The following COL11A1 variants were observed in gnomAD, a reference collection of about 807,000 sequenced individuals.
The protein encoded by COL11A1 is collagen type XI alpha 1 chain, also known as collagen alpha-1(XI) chain.
COL11A1 carries 74 observed loss-of-function variants against 265.2 expected under a neutral mutation model. The ratio of observed to expected loss-of-function variants is 0.28; its 90% CI spans 0.23 to 0.34. The LOEUF (loss-of-function observed/expected upper bound fraction) is 0.34, where lower values mean the gene tolerates loss of function less well. Among genes scored for constraint, COL11A1 ranks in the 10% least tolerant of loss-of-function variants. The pLI is 1.00. For synonymous variants in COL11A1, 816 were observed against 727.6 expected, an observed-to-expected ratio of 1.12 and a Z score of -1.96; for missense variants, 2,165 against 2,263.6, an observed-to-expected ratio of 0.96 and a Z score of 0.88.
chr1:102,959,012 C>T (rs1033512520), intron 41 of COL11A1, among the ~76,000 whole-genome samples: 7 of 152,162 alleles, frequency 4.6e-5, no homozygotes, highest in East Asian at 3.9e-4. Flanking sequence ...TCGCCCCCTC[C>T]GTGTTTGCTA....
chr1:102,940,706 A>G (rs904896798), intron 42 of COL11A1, among the ~76,000 whole-genome samples: 2 of 152,168 alleles, frequency 1.3e-5, no homozygotes, highest in African/African-American at 4.8e-5. Context: ...ATATTGACAA[A>G]TCAGATTTCT....
At chr1:103,099,466 G>A (rs1674059346) in intron 1 of COL11A1, among the ~76,000 whole-genome samples, 1 of 146,696 alleles carries the variant, frequency 6.8e-6, no homozygotes, top group Non-Finnish European at 1.5e-5. Flanking sequence ...TATATATATG[G>A]ATATATATAT....
rs869263393 is a variant in COL11A1, at chr1:103,071,467, C to CTTTT, written c.651+3147_651+3150dup. ...AGGCTGTTGATTTGTGTTGGTAGGA[C>CTTTT]TTTTTTTTTTTTTTTTTTTTTTTTT... is the stretch of plus-strand genomic sequence containing the variant. On this transcript the variant is annotated intron_variant, in intron 4 of 66. Transcript: ENST00000370096. Among the ~76,000 whole-genome samples, 53 of 49,892 alleles carry CTTTT rather than the reference C, an allele frequency of 1.1e-3. 10 individuals carry two copies. The highest frequency in any genetic ancestry group is 1.7e-3 in the Non-Finnish European group (44 of 25,876). The allele number at this position is 49,892 out of a possible 152,430, so 32.7% of individuals were successfully genotyped here.
At chr1:103,083,820 AT>A (rs1044221832) in intron 1 of COL11A1, among the ~76,000 whole-genome samples, 1 of 151,956 alleles carries the variant, frequency 6.6e-6, no homozygotes, top group East Asian at 1.9e-4. Context: ...GCCCCTTCAC[AT>A]TTTTTTTGTA....
intron 41 of COL11A1, among the ~76,000 whole-genome samples, chr1:102,951,417 G>A (rs779659556): frequency 6.6e-6 from 1 of 152,182 alleles, no homozygotes; most frequent in Admixed American, 6.5e-5. Context: ...TAGGCGTCAC[G>A]CCGGGAGTGG....
intron 4 of COL11A1, among the ~76,000 whole-genome samples, chr1:103,033,254 T>C (rs1668121469): frequency 6.6e-6 from 1 of 152,128 alleles, no homozygotes; most frequent in Non-Finnish European, 1.5e-5. Context: ...GAGTTGTTTT[T>C]ATTTATTATT....
At chr1:103,001,827 G>A in intron 24 of COL11A1, 98 bp downstream of exon 24, 2 of 1,028,676 alleles carry the variant, frequency 1.9e-6, no homozygotes, top group Non-Finnish European at 3.1e-6. Flanking sequence ...GAGCTATCTA[G>A]ATATCTTAAC....
intron 15 of COL11A1, among the ~76,000 whole-genome samples, chr1:103,006,526 ATTTTTTTTTTT>A (rs4013849): frequency 0.14 from 11,791 of 83,176 alleles, 625 homozygotes; most frequent in Middle Eastern, 0.25. Flanking sequence ...AAATGGCTCC[ATTTTTTTTTTT>A]TTTTTTTTTT....
chr1:102,951,387 T>C (rs1012234196), intron 41 of COL11A1, among the ~76,000 whole-genome samples: 6 of 152,222 alleles, frequency 3.9e-5, no homozygotes, highest in African/African-American at 1.4e-4. Context: ...TATGCAAACA[T>C]GTTGAACATG....
chr1:102,905,487 C>T (rs1040995637), intron 54 of COL11A1, among the ~76,000 whole-genome samples: 109 of 148,060 alleles, frequency 7.4e-4, no homozygotes, highest in Middle Eastern at 3.5e-3. Flanking sequence ...TTATTTGTAC[C>T]CTGAGTTGCT....
At chr1:103,093,585 C>T (rs1386718833) in intron 1 of COL11A1, among the ~76,000 whole-genome samples, 2 of 152,110 alleles carry the variant, frequency 1.3e-5, no homozygotes, top group African/African-American at 2.4e-5. Context: ...GTTGCTAACC[C>T]CAAGCCTTGA....
chr1:102,940,751 C>G (rs568481783), intron 42 of COL11A1, among the ~76,000 whole-genome samples: 1 of 152,240 alleles, frequency 6.6e-6, no homozygotes, highest in African/African-American at 2.4e-5. Flanking sequence ...CTCTTCTCCC[C>G]TTCCTTAGTG....
chr1:103,108,004 G>A, intron 1 of COL11A1, 69 bp downstream of exon 1: 2 of 1,073,530 alleles, frequency 1.9e-6, no homozygotes, highest in Admixed American at 3.5e-5. Context: ...AGGGTAAAGT[G>A]GGGGGAGGGG....
intron 5 of COL11A1, among the ~76,000 whole-genome samples, chr1:103,030,410 T>C (rs2101990729): frequency 6.6e-6 from 1 of 152,182 alleles, no homozygotes; most frequent in Admixed American, 6.5e-5. Flanking sequence ...TTTTGACCCA[T>C]TGTAAACAGT....
chr1:102,928,234 A>G (rs983073250), intron 46 of COL11A1, among the ~76,000 whole-genome samples: 16 of 151,756 alleles, frequency 1.1e-4, no homozygotes, highest in Admixed American at 3.3e-4. Flanking sequence ...ATATCTCCCA[A>G]TGCTATCCCT....
rs1384521987 is a variant in COL11A1 at position 102,974,894 on chromosome 1, A to T, written c.2755-11T>A. ...AGGTCCTTGAGGACCCTGGAAATAA[A>T]AAGCAGTGGGGAGAAGTTAACAATA... On this transcript the variant is annotated splice_polypyrimidine_tract_variant and intron_variant, in intron 35 of 66. Transcript: ENST00000370096. 3.7e-6 allele frequency: 6 copies of T among 1,611,556 alleles called. No individual in the cohort carries two copies. In the South Asian group the frequency reaches 6.6e-5, roughly 18 times the overall value.
chr1:102,908,365 G>T (rs983093216), intron 54 of COL11A1, among the ~76,000 whole-genome samples: 2 of 151,756 alleles, frequency 1.3e-5, no homozygotes, highest in Non-Finnish European at 2.9e-5. Flanking sequence ...AGTATTTTTG[G>T]ATAAATAGGA....
At chr1:102,987,537 A>G in intron 30 of COL11A1, 96 bp downstream of exon 30, 1 of 908,374 alleles carries the variant, frequency 1.1e-6, no homozygotes, top group Non-Finnish European at 1.8e-6. Context: ...TAATGTAGTA[A>G]GAACTCAATT....
intron 2 of COL11A1, among the ~76,000 whole-genome samples, chr1:103,081,541 T>C (rs559683159): frequency 6.6e-6 from 1 of 152,060 alleles, no homozygotes; most frequent in South Asian, 2.1e-4. Context: ...TTTGTTCTTG[T>C]TCACCACAAA....
Sources: gnomAD v4.1 joint callset for allele counts (sites outside exome capture counted in the v4.1 genomes callset) on GRCh38, gnomAD v4.1.1 for gene constraint, MANE v1.5 for transcripts, NCBI Gene and HGNC (gene_info 2026-07-23, HGNC 2026-07-21) for gene names.